Variants in KCNMB4 observed in about 807,000 individuals in gnomAD.
KCNMB4 encodes potassium calcium-activated channel subfamily M regulatory beta subunit 4, also known as calcium-activated potassium channel subunit beta-4.
Under a neutral mutation model 20.7 loss-of-function variants are expected in KCNMB4, and 3 were observed. The ratio of observed to expected loss-of-function variants is 0.14; its 90% CI spans 0.07 to 0.37. The LOEUF is 0.37. Among genes scored for constraint, KCNMB4 ranks in the 10% least tolerant of loss-of-function variants. The probability of loss-of-function intolerance (pLI) is 1.00; values close to 1 mark genes in which losing one functional copy is unlikely to be tolerated. For synonymous variants in KCNMB4, 110 were observed against 113.4 expected, an observed-to-expected ratio of 0.97 and a Z score of 0.19; for missense variants, 168 against 265.9, an observed-to-expected ratio of 0.63 and a Z score of 2.56.
Position 70,429,391 on chromosome 12 carries a change from G to A in KCNMB4, c.465-1094G>A, listed in dbSNP as rs561116116. Among the ~76,000 whole-genome samples, 2 of 152,242 alleles carry A rather than the reference G, an allele frequency of 1.3e-5. 1 individual carries two copies. The highest frequency in any genetic ancestry group is 4.2e-4 in the South Asian group (2 of 4,814). ...ATTAAAAAGTTAAAATTCCGGCCGG[G>A]TGCGGTGACTCACGCCTGTAATGCC... is the stretch of plus-strand genomic sequence containing the variant. On this transcript the variant is annotated intron_variant, in intron 2 of 2. Coordinates refer to ENST00000258111, the MANE Select transcript of KCNMB4 (RefSeq NM_014505.6).
chr12:70,390,673 A>G (rs1032836303), intron 1 of KCNMB4, among the ~76,000 whole-genome samples: 1 of 152,196 alleles, frequency 6.6e-6, no homozygotes. Context: ...GTTCTGGGTT[A>G]CTCAGTATAT....
At chr12:70,413,947 T>G (rs1868850360) in intron 2 of KCNMB4, among the ~76,000 whole-genome samples, 1 of 152,092 alleles carries the variant, frequency 6.6e-6, no homozygotes, top group African/African-American at 2.4e-5. Flanking sequence ...GAGATTTAAG[T>G]TTTGGGCTGG....
chr12:70,378,369 T>C (rs1883724804), intron 1 of KCNMB4, among the ~76,000 whole-genome samples: 1 of 152,204 alleles, frequency 6.6e-6, no homozygotes, highest in Admixed American at 6.5e-5. Flanking sequence ...AATCAACTTC[T>C]TCCAAACTCC....
intron 1 of KCNMB4, among the ~76,000 whole-genome samples, chr12:70,370,463 A>G (rs1016351717): frequency 6.6e-6 from 1 of 151,246 alleles, no homozygotes; most frequent in African/African-American, 2.4e-5. Flanking sequence ...GCCCACCACC[A>G]CGCCTGGCTA....
At chr12:70,395,083 T>C (rs992469817) in intron 1 of KCNMB4, among the ~76,000 whole-genome samples, 4 of 146,106 alleles carry the variant, frequency 2.7e-5, no homozygotes, top group Non-Finnish European at 1.5e-5. Context: ...CAGATATTTC[T>C]TATAGGAGTT....
At chr12:70,389,131 T>C (rs571714556) in intron 1 of KCNMB4, among the ~76,000 whole-genome samples, 4 of 152,316 alleles carry the variant, frequency 2.6e-5, no homozygotes, top group African/African-American at 9.6e-5. Flanking sequence ...TAAATAAATA[T>C]GATTCTATCA....
At position 70,433,953 on chromosome 12, in the gene KCNMB4, C is replaced by G. The variant is rs747731536; in HGVS notation, c.*3300C>G. Reference sequence around the variant, plus strand: ...ATTGCCTTAGAGACTGAAAAATATACGCTTTTATAGGCCGGGGTTTTAGTT... The same window carrying G: ...ATTGCCTTAGAGACTGAAAAATATAGGCTTTTATAGGCCGGGGTTTTAGTT... On this transcript the variant is annotated 3_prime_UTR_variant, in exon 3 of 3. Coordinates refer to ENST00000258111, the MANE Select transcript of KCNMB4 (RefSeq NM_014505.6). 2 of 152,208 alleles carry G rather than the reference C, an allele frequency of 1.3e-5. No individual in the cohort carries two copies. Among genetic ancestry groups the G allele is most frequent in the Admixed American group, 6.5e-5 (1 of 15,268 alleles). 9.4% of individuals were successfully genotyped at this position (152,208 alleles called of 1,614,324 possible).
intron 2 of KCNMB4, among the ~76,000 whole-genome samples, chr12:70,413,160 T>G (rs1565864777): frequency 6.6e-6 from 1 of 152,192 alleles, no homozygotes; most frequent in Non-Finnish European, 1.5e-5. Context: ...ATGGAAGTTA[T>G]TCCAGTGTTT....
rs552488141 is a variant in KCNMB4, at chr12:70,407,497, T to A, written c.464+7161T>A. Among the ~76,000 whole-genome samples the A allele has an allele frequency of 2.5e-5, 3 of 118,974 alleles. No individual in the cohort carries two copies. In the East Asian group the frequency reaches 8.9e-4, roughly 35 times the overall value. 78.1% of individuals were successfully genotyped at this position (118,974 alleles called of 152,430 possible). ...TTTTTTTTTTTTTTGAGATGGAGTC[T>A]CACTCTGTCGCCCAGGCTGGAGTGC... On this transcript the variant is annotated intron_variant, in intron 2 of 2. Coordinates refer to ENST00000258111, the MANE Select transcript of KCNMB4 (RefSeq NM_014505.6).
At chr12:70,418,876 A>AT in intron 2 of KCNMB4, among the ~76,000 whole-genome samples, 1 of 152,094 alleles carries the variant, frequency 6.6e-6, no homozygotes, top group Non-Finnish European at 1.5e-5. Context: ...TTCATCGGTG[A>AT]TTTTTGCTCA....
intron 2 of KCNMB4, among the ~76,000 whole-genome samples, chr12:70,411,135 C>G (rs1040079122): frequency 3.9e-5 from 6 of 152,192 alleles, no homozygotes; most frequent in African/African-American, 1.4e-4. Context: ...AAAATTCCTT[C>G]AAACTCTCAA....
intron 1 of KCNMB4, among the ~76,000 whole-genome samples, chr12:70,376,725 C>G (rs7132023): frequency 6.7e-6 from 1 of 149,976 alleles, no homozygotes; most frequent in Non-Finnish European, 1.5e-5. Flanking sequence ...AAAAACAAAA[C>G]GCCAGATGTC....
intron 1 of KCNMB4, among the ~76,000 whole-genome samples, chr12:70,370,467 C>A (rs1272440033): frequency 1.3e-5 from 2 of 151,858 alleles, no homozygotes; most frequent in Non-Finnish European, 2.9e-5. Context: ...ACCACCACGC[C>A]TGGCTAATTT....
intron 1 of KCNMB4, among the ~76,000 whole-genome samples, chr12:70,380,161 A>G (rs1344263446): frequency 1.3e-5 from 2 of 152,202 alleles, no homozygotes; most frequent in Non-Finnish European, 2.9e-5. Flanking sequence ...TTGTAGAGGT[A>G]TTAATTGGCC....
intron 1 of KCNMB4, among the ~76,000 whole-genome samples, chr12:70,373,849 TGTG>T (rs1422761952): frequency 1.3e-5 from 2 of 152,084 alleles, no homozygotes; most frequent in Non-Finnish European, 2.9e-5. Flanking sequence ...GGCTGGTCAT[TGTG>T]GTGCACACCT....
chr12:70,394,973 G>A (rs1868338510), intron 1 of KCNMB4, among the ~76,000 whole-genome samples: 1 of 152,044 alleles, frequency 6.6e-6, no homozygotes, highest in African/African-American at 2.4e-5. Context: ...GACTGTTAAT[G>A]GAGTTTATAA....
intron 1 of KCNMB4, among the ~76,000 whole-genome samples, chr12:70,390,990 C>G (rs1200960955): frequency 6.6e-6 from 1 of 152,106 alleles, no homozygotes; most frequent in Admixed American, 6.5e-5. Context: ...CTGGGAAAGG[C>G]TAGATTTTCA....
chr12:70,408,590 G>A lies in KCNMB4; in HGVS notation c.464+8254G>A, dbSNP rs193045830. On this transcript the variant is annotated intron_variant, in intron 2 of 2. Coordinates refer to ENST00000258111, the MANE Select transcript of KCNMB4 (RefSeq NM_014505.6). ...CAGCCCCGAAGCAGCTGTGCCTGCC[G>A]TGGGCAGTCAGTCTCGGTGCGGCCA... Among the ~76,000 whole-genome samples, 528 of 152,162 alleles carry A rather than the reference G, an allele frequency of 3.5e-3. 6 individuals are homozygous for A. The highest frequency in any genetic ancestry group is 2.2e-3 in the Non-Finnish European group (148 of 68,008).
intron 2 of KCNMB4, among the ~76,000 whole-genome samples, chr12:70,415,248 G>T (rs1020600944): frequency 5.3e-5 from 8 of 152,186 alleles, no homozygotes; most frequent in Non-Finnish European, 8.8e-5. Context: ...ACAGAGCCAG[G>T]ATTCAAACCT....
Sources: allele counts gnomAD v4.1 joint callset (sites outside exome capture counted in the v4.1 genomes callset), GRCh38; gene constraint gnomAD v4.1.1; transcripts MANE v1.5; gene names NCBI Gene and HGNC (gene_info 2026-07-23, HGNC 2026-07-21).